The following ROS1 variants were observed in gnomAD, a reference collection of about 807,000 sequenced individuals.
ROS1 encodes ROS proto-oncogene 1, receptor tyrosine kinase.
ROS1 carries 263 observed loss-of-function variants against 273.5 expected under a neutral mutation model. The observed-to-expected ratio is 0.96, with a 90% CI of 0.87 to 1.06. ROS1 has a LOEUF of 1.06. Ranked by LOEUF, ROS1 falls within the 50% of genes least tolerant of loss-of-function variation. The probability of loss-of-function intolerance (pLI) is 0.00; values close to 1 mark genes in which losing one functional copy is unlikely to be tolerated. For synonymous variants in ROS1, 1,008 were observed against 954.1 expected (o/e 1.06, Z -1.04); for missense variants, 2,833 against 2,751.1 (o/e 1.03, Z -0.67).
At chr6:117,317,702 T>A (rs1007830532) in intron 38 of ROS1, among the ~76,000 whole-genome samples, 1 of 152,132 alleles carries the variant, frequency 6.6e-6, no homozygotes, top group African/African-American at 2.4e-5. Flanking sequence ...CCCAACCTAA[T>A]AATTGGAACC....
chr6:117,385,507 T>C (rs1772493487), intron 16 of ROS1, among the ~76,000 whole-genome samples, 176 bp downstream of exon 16: 1 of 151,392 alleles, frequency 6.6e-6, no homozygotes, highest in Non-Finnish European at 1.5e-5. Context: ...GGTGAAATTG[T>C]GTCTCAAAAA....
intron 10 of ROS1, 73 bp downstream of exon 10, chr6:117,394,543 C>A (rs1277040780): frequency 1.0e-5 from 13 of 1,299,030 alleles, no homozygotes; most frequent in Non-Finnish European, 1.3e-5. Flanking sequence ...CAAAAATTTT[C>A]TTTTATTCTA....
chr6:117,297,217 C>G (rs967893354), intron 43 of ROS1, among the ~76,000 whole-genome samples: 1 of 151,918 alleles, frequency 6.6e-6, no homozygotes. Context: ...AAAATTAACT[C>G]AAAGATGGAT....
chr6:117,312,951 G>C (rs580099), intron 39 of ROS1, among the ~76,000 whole-genome samples: 14,520 of 152,050 alleles, frequency 0.095, 880 homozygotes, highest in Middle Eastern at 0.14. Context: ...GCCCTCTCAG[G>C]TTTCCTCAGT....
At chr6:117,297,730 C>T (rs370556129) in intron 43 of ROS1, among the ~76,000 whole-genome samples, 2 of 151,984 alleles carry the variant, frequency 1.3e-5, no homozygotes, top group Admixed American at 6.6e-5. Context: ...TAGATGTTGG[C>T]GAGGATGCAG....
chr6:117,316,817 C>G (rs1008158619), intron 39 of ROS1, among the ~76,000 whole-genome samples: 1 of 152,100 alleles, frequency 6.6e-6, no homozygotes, highest in South Asian at 2.1e-4. Flanking sequence ...TAATTTGGGA[C>G]AGACAGGCAT....
At chr6:117,307,166 T>G (rs772678575) in intron 42 of ROS1, among the ~76,000 whole-genome samples, 1 of 152,106 alleles carries the variant, frequency 6.6e-6, no homozygotes, top group Non-Finnish European at 1.5e-5. Context: ...CTTGTCTACC[T>G]TTTTCTGCTC....
rs759258218 is a variant in ROS1 at position 117,404,329 on chromosome 6, A to T, written c.416T>A (p.Ile139Asn). Residue 139 changes from isoleucine to asparagine, a missense_variant, in exon 6 of 44, where the codon ATC (isoleucine) becomes AAC (asparagine). By Grantham distance (149) the Ile-to-Asn change is moderately radical. Coordinates refer to ENST00000368507, the MANE Select transcript of ROS1 (RefSeq NM_001378902.1). The part of the protein sequence containing the change: ...KSANFSGVKY[I>N]IQWKYAQLLG... The stretch of plus-strand genomic sequence containing the variant: ...AAGTTGTGCATATTTCCACTGAATG[A>T]TGTATTTTACTCCAGAGAAGTTTGC... The T allele has an allele frequency of 2.5e-6, 4 of 1,613,972 alleles. No individual in the cohort carries two copies. In the South Asian group the frequency reaches 4.4e-5, roughly 18 times the overall value.
rs574701275 is a variant in ROS1 at position 117,350,918 on chromosome 6, C to G, written c.4303+2072G>C. ...CTGACTACTTTATCCATTAGAGCCCCTAGCATATTAATCATAGTTGTTTTA... is the reference window on the plus strand; with the variant it reads ...CTGACTACTTTATCCATTAGAGCCCGTAGCATATTAATCATAGTTGTTTTA... On this transcript the variant is annotated intron_variant, in intron 27 of 43. Coordinates refer to ENST00000368507, the MANE Select transcript of ROS1 (RefSeq NM_001378902.1). Among the ~76,000 whole-genome samples the G allele has an allele frequency of 3.3e-5, 5 of 152,224 alleles. No individual in the cohort carries two copies. The East Asian group carries it at 9.7e-4, about 29-fold the overall frequency.
chr6:117,414,496 C>CT (rs768817652), intron 4 of ROS1, 23 bp downstream of exon 4: 5 of 742,930 alleles, frequency 6.7e-6, no homozygotes, highest in Non-Finnish European at 1.2e-5. Flanking sequence ...TTGATTACAT[C>CT]TTTTTTGTGA....
chr6:117,365,109 G>A lies in ROS1; in HGVS notation c.3054C>T (p.Tyr1018=), dbSNP rs1385190956. ...LFNLSVTPYT[Y]WGKGPKTSLS... ...GAGATGTTTTGGGGCCCTTTCCCCA[G>A]TAGGTATAAGGAGTGACAGAAAGAT... Residue 1018 remains tyrosine (Y), a synonymous_variant, in exon 21 of 44, where the codon TAC becomes TAT. Coordinates refer to ENST00000368507, the MANE Select transcript of ROS1 (RefSeq NM_001378902.1). 2 of 1,613,668 alleles carry A rather than the reference G, an allele frequency of 1.2e-6. No homozygotes were observed. Among genetic ancestry groups the A allele is most frequent in the Non-Finnish European group, 1.7e-6 (2 of 1,179,588 alleles).
At chr6:117,328,331 T>C (rs1053142282) in intron 33 of ROS1, 5 of 252,248 alleles carry the variant, frequency 2.0e-5, no homozygotes, top group Admixed American at 1.0e-4. Context: ...AAGGTGTTAC[T>C]CAGGGTAACA....
chr6:117,373,379 C>T (rs1198161115), intron 18 of ROS1, among the ~76,000 whole-genome samples: 1 of 152,240 alleles, frequency 6.6e-6, no homozygotes, highest in East Asian at 1.9e-4. Flanking sequence ...CGCGGAAGCC[C>T]ACCACGGGGG....
At chr6:117,366,446 G>C (rs1264413833) in intron 18 of ROS1, among the ~76,000 whole-genome samples, 156 bp from the exon 19 acceptor site, 1 of 151,902 alleles carries the variant, frequency 6.6e-6, no homozygotes, top group African/African-American at 2.4e-5. Context: ...GTCTTTTTTT[G>C]TTTCATATTA....
intron 35 of ROS1, 137 bp downstream of exon 35, chr6:117,324,195 A>C: frequency 1.6e-6 from 1 of 606,146 alleles, no homozygotes; most frequent in East Asian, 3.0e-5. Context: ...ATGTATAGCC[A>C]AAGGTAACAA....
At chr6:117,407,362 G>C (rs1774496758) in intron 5 of ROS1, among the ~76,000 whole-genome samples, 1 of 152,184 alleles carries the variant, frequency 6.6e-6, no homozygotes. Context: ...GCGCTGGCCT[G>C]TTAGAAACTA....
chr6:117,393,756 G>A (rs1773265012), intron 11 of ROS1, among the ~76,000 whole-genome samples: 4 of 152,100 alleles, frequency 2.6e-5, no homozygotes, highest in South Asian at 2.1e-4. Context: ...ATGGTCTTCC[G>A]AAAAGTACAG....
At chr6:117,290,530 G>C (rs1376418041) in intron 43 of ROS1, among the ~76,000 whole-genome samples, 1 of 152,192 alleles carries the variant, frequency 6.6e-6, no homozygotes, top group Non-Finnish European at 1.5e-5. Flanking sequence ...CTCTTTAAGA[G>C]AGAAATATTA....
intron 8 of ROS1, 29 bp downstream of exon 8, chr6:117,396,886 C>T (rs1773527733): frequency 6.7e-7 from 1 of 1,482,032 alleles, no homozygotes; most frequent in Non-Finnish European, 9.4e-7. Flanking sequence ...ATGCTGGTTA[C>T]ATTTTCCTCT....
Sources: gnomAD v4.1 joint callset for allele counts (sites outside exome capture counted in the v4.1 genomes callset) on GRCh38, gnomAD v4.1.1 for gene constraint, MANE v1.5 for transcripts, NCBI Gene and HGNC (gene_info 2026-07-23, HGNC 2026-07-21) for gene names.